Variants in HTR7 observed in about 807,000 individuals in gnomAD.
HTR7 encodes 5-hydroxytryptamine receptor 7.
In HTR7, 16 loss-of-function variants were observed where a neutral mutation model predicts 34.0. The observed-to-expected ratio is 0.47, with a 90% CI of 0.32 to 0.71. HTR7 has a LOEUF of 0.71. HTR7 is among the 30% of genes least tolerant of loss of function. The pLI is 0.04. For missense variants in HTR7, 504 were observed against 625.5 expected, an observed-to-expected ratio of 0.81 and a Z score of 2.07; for synonymous variants, 265 against 260.2, an observed-to-expected ratio of 1.02 and a Z score of -0.18.
chr10:90,830,577 G>A (rs1463388827), intron 1 of HTR7, among the ~76,000 whole-genome samples: 5 of 152,102 alleles, frequency 3.3e-5, no homozygotes, highest in Non-Finnish European at 5.9e-5. Context: ...CTTGTGCCCA[G>A]GAGTTTGAGA....
In HTR7 at chr10:90,749,641, T is replaced by C; in HGVS notation, c.540-47A>G. ...AACAGATGAACACCGTGATCATAACTGGTCAACCAAGCAAGTCCTGCCAGC... is the reference window on the plus strand; with the variant it reads ...AACAGATGAACACCGTGATCATAACCGGTCAACCAAGCAAGTCCTGCCAGC... On this transcript the variant is annotated intron_variant, in intron 1 of 3. Transcript: ENST00000336152. This position sits in a 1 kb window ranked among gnomAD's most constrained non-coding sequence, Gnocchi z 4.2. 6.5e-7 allele frequency: 1 copy of C among 1,543,788 alleles called. No individual in the cohort carries two copies. Among genetic ancestry groups the C allele is most frequent in the Non-Finnish European group, 8.8e-7 (1 of 1,141,900 alleles).
At chr10:90,774,975 C>T (rs564918515) in intron 1 of HTR7, among the ~76,000 whole-genome samples, 11 of 152,218 alleles carry the variant, frequency 7.2e-5, no homozygotes, top group East Asian at 3.9e-4. Context: ...AACATGACTG[C>T]GTGCAGCAGA....
intron 2 of HTR7, among the ~76,000 whole-genome samples, chr10:90,746,794 C>G (rs965043850): frequency 6.6e-6 from 1 of 152,110 alleles, no homozygotes; most frequent in African/African-American, 2.4e-5. Context: ...TTCAAATCAC[C>G]CAGCCCAAGC....
At position 90,749,321 on chromosome 10, in the gene HTR7, G is replaced by A; in HGVS notation, c.813C>T (p.Ala271=). The change falls in exon 2 of 4, where the codon GCC becomes GCT. Residue 271 remains alanine, a synonymous_variant. Coordinates refer to ENST00000336152, the MANE Select transcript of HTR7 (RefSeq NM_019859.4). The surrounding 1 kb of genome is among the most constrained non-coding windows in gnomAD (Gnocchi z 4.2). ...GAGGGAAGCCAGGAAACTTGTGTTT[G>A]GCAGCACTCTTCCTGGCAGCCTTGT... ...QIYKAARKSA[A]KHKFPGFPRV... is the part of the protein sequence containing the mutation. The A allele has an allele frequency of 6.2e-7, 1 of 1,614,180 alleles. No individual in the cohort carries two copies. Among genetic ancestry groups the A allele is most frequent in the Non-Finnish European group, 8.5e-7 (1 of 1,180,042 alleles).
Position 90,824,665 on chromosome 10 carries a change from C to G in HTR7, c.539+32468G>C, listed in dbSNP as rs1301486936. Among the ~76,000 whole-genome samples, 5 of 152,170 alleles carry G rather than the reference C, an allele frequency of 3.3e-5. No homozygotes were observed. The East Asian group carries it at 9.6e-4, about 29-fold the overall frequency. On this transcript the variant is annotated intron_variant, in intron 1 of 3. Transcript: ENST00000336152. ...TTTCCCTGAAGGGTGAGTCCCAATC[C>G]TGGAAACATTCACCACAAGCTGACT...
chr10:90,760,906 T>C (rs1327697576), intron 1 of HTR7, among the ~76,000 whole-genome samples: 1 of 152,078 alleles, frequency 6.6e-6, no homozygotes, highest in African/African-American at 2.4e-5. Flanking sequence ...AATAAACACG[T>C]ACCCTATAAA....
chr10:90,781,517 T>C (rs1158137610), intron 1 of HTR7, among the ~76,000 whole-genome samples: 1 of 152,224 alleles, frequency 6.6e-6, no homozygotes, highest in East Asian at 1.9e-4. Context: ...TAATACATGG[T>C]CAACACAATG....
At chr10:90,785,223 T>A (rs980526536) in intron 1 of HTR7, among the ~76,000 whole-genome samples, 2 of 152,162 alleles carry the variant, frequency 1.3e-5, no homozygotes, top group Admixed American at 6.6e-5. Context: ...GACATAAGCA[T>A]TAAATAAATA....
intron 1 of HTR7, among the ~76,000 whole-genome samples, chr10:90,783,880 C>T (rs1845343515): frequency 6.6e-6 from 1 of 152,166 alleles, no homozygotes; most frequent in African/African-American, 2.4e-5. Flanking sequence ...AGCTATGGCT[C>T]TTCACCATTA....
intron 2 of HTR7, among the ~76,000 whole-genome samples, chr10:90,747,166 C>G (rs2119668735): frequency 6.6e-6 from 1 of 152,282 alleles, no homozygotes; most frequent in South Asian, 2.1e-4. Flanking sequence ...CTAGAAGCAC[C>G]TATTTTGCAG....
intron 1 of HTR7, among the ~76,000 whole-genome samples, chr10:90,850,235 G>T (rs1301741886): frequency 6.6e-6 from 1 of 152,234 alleles, no homozygotes; most frequent in Non-Finnish European, 1.5e-5. Flanking sequence ...TTACAGTTTT[G>T]AGGAAAGAAC....
intron 1 of HTR7, among the ~76,000 whole-genome samples, chr10:90,812,976 C>T (rs979847295): frequency 6.6e-6 from 1 of 152,158 alleles, no homozygotes; most frequent in Non-Finnish European, 1.5e-5. Context: ...CCTGTTCCTG[C>T]CTTAACTGAT....
chr10:90,762,316 A>G (rs1028154309), intron 1 of HTR7, among the ~76,000 whole-genome samples: 2 of 152,274 alleles, frequency 1.3e-5, no homozygotes, highest in African/African-American at 2.4e-5. Flanking sequence ...TGTCTTTTTG[A>G]TAACAGCTAT....
At chr10:90,773,946 T>C (rs1410665327) in intron 1 of HTR7, among the ~76,000 whole-genome samples, 6 of 152,162 alleles carry the variant, frequency 3.9e-5, no homozygotes, top group Admixed American at 1.3e-4. Context: ...TTTACAGCAA[T>C]TGAAAATAAG....
chr10:90,853,287 C>CTTTTTTTTTTT (rs35477812), intron 1 of HTR7, among the ~76,000 whole-genome samples: 1 of 110,064 alleles, frequency 9.1e-6, no homozygotes. Flanking sequence ...TTTTTTTTTT[C>CTTTTTTTTTTT]TTTTTTTTTT....
chr10:90,852,584 A>G (rs534016604), intron 1 of HTR7, among the ~76,000 whole-genome samples: 1 of 152,346 alleles, frequency 6.6e-6, no homozygotes, highest in Non-Finnish European at 1.5e-5. Flanking sequence ...GCCAGAAACT[A>G]GAAAAAAACT....
chr10:90,851,492 C>A (rs148490979), intron 1 of HTR7, among the ~76,000 whole-genome samples: 2 of 150,440 alleles, frequency 1.3e-5, no homozygotes, highest in Non-Finnish European at 2.9e-5. Flanking sequence ...GTACTCCCAG[C>A]TACTCTGGAG....
chr10:90,746,565 C>T (rs1844639313), intron 2 of HTR7, among the ~76,000 whole-genome samples: 1 of 152,168 alleles, frequency 6.6e-6, no homozygotes, highest in South Asian at 2.1e-4. Flanking sequence ...AACACGCTTT[C>T]CTTTTCCTGT....
rs1846604285 is a variant in HTR7, at chr10:90,857,483, G to T, written c.189C>A (p.Pro63=). ...CCCCACAGCCGGAGGCATTGTCCGG[G>T]GGCGCGTCCCAGGTGGGCGCCGGGC... ...TASPAPTWDA[P]PDNASGCGEQ... is the part of the protein sequence containing the mutation. The change falls in exon 1 of 4, where the codon CCC becomes CCA. Residue 63 remains proline, a synonymous_variant. Transcript: ENST00000336152. This position sits in a 1 kb window ranked among gnomAD's most constrained non-coding sequence, Gnocchi z 6.5. The T allele has an allele frequency of 3.1e-6, 5 of 1,613,520 alleles. No individual in the cohort carries two copies.
Sources: gnomAD v4.1 joint callset for allele counts (sites outside exome capture counted in the v4.1 genomes callset) on GRCh38, gnomAD v4.1.1 for gene constraint, Gnocchi (gnomAD v3.1) non-coding constraint, MANE v1.5 for transcripts, NCBI Gene and HGNC (gene_info 2026-07-23, HGNC 2026-07-21) for gene names.